Variants in ZFHX3 observed in about 807,000 individuals in gnomAD.
ZFHX3 encodes zinc finger homeobox 3, also known as zinc finger homeobox protein 3.
ZFHX3 carries 42 observed loss-of-function variants against 279.1 expected under a neutral mutation model. That is an observed-to-expected ratio of 0.15 (90% CI 0.12 to 0.19). The LOEUF (loss-of-function observed/expected upper bound fraction) is 0.19. ZFHX3 is among the 10% of genes least tolerant of loss of function. The probability of loss-of-function intolerance (pLI) is 1.00; values close to 1 mark genes in which losing one functional copy is unlikely to be tolerated. For missense variants in ZFHX3, 4,981 were observed against 4,754.0 expected, an observed-to-expected ratio of 1.05 and a Z score of -1.40; for synonymous variants, 2,293 against 1,957.8, an observed-to-expected ratio of 1.17 and a Z score of -4.52.
At chr16:73,505,181 CA>C (rs1308917971) in intron 2 of ZFHX3, among the ~76,000 whole-genome samples, 1 of 152,080 alleles carries the variant, frequency 6.6e-6, no homozygotes, top group Non-Finnish European at 1.5e-5. Context: ...CGAGCCTTTT[CA>C]GATGAATGTG....
chr16:72,974,111 G>A (rs1004576225), intron 1 of ZFHX3, among the ~76,000 whole-genome samples: 1 of 152,206 alleles, frequency 6.6e-6, no homozygotes, highest in African/African-American at 2.4e-5. Flanking sequence ...AATGAACTTG[G>A]TCAGATTCTT....
chr16:73,065,991 G>C (rs1301256140), intron 8 of ZFHX3, among the ~76,000 whole-genome samples: 4 of 152,218 alleles, frequency 2.6e-5, no homozygotes, highest in Non-Finnish European at 4.4e-5. Flanking sequence ...TGCAGGGCAG[G>C]GCGTGGCCCC....
intron 8 of ZFHX3, among the ~76,000 whole-genome samples, chr16:73,080,583 T>C (rs548137052): frequency 1.3e-5 from 2 of 152,020 alleles, no homozygotes; most frequent in African/African-American, 4.8e-5. Context: ...TTTTCTTTGT[T>C]TTTTTTTTGA....
At chr16:73,419,898 T>G (rs9926279) in intron 3 of ZFHX3, among the ~76,000 whole-genome samples, 2 of 150,210 alleles carry the variant, frequency 1.3e-5, no homozygotes, top group South Asian at 2.1e-4. Flanking sequence ...TATATATATA[T>G]AGATAGATAA....
Position 72,793,201 on chromosome 16 carries a change from A to G in ZFHX3, c.9427+54T>C, listed in dbSNP as rs189065087. On this transcript the variant is annotated intron_variant, in intron 9 of 9. Transcript: ENST00000268489. This position sits in a 1 kb window ranked among gnomAD's most constrained non-coding sequence, Gnocchi z 4.3. ...GTTTGGGTGGTATCCACATAACAGA[A>G]TGCTGACTGGGCAGCTATTTAGCCC... 6.5e-7 allele frequency: 1 copy of G among 1,546,038 alleles called. No individual in the cohort carries two copies. Among genetic ancestry groups the G allele is most frequent in the African/African-American group, 1.4e-5 (1 of 73,000 alleles).
Position 72,794,599 on chromosome 16 carries a change from G to A in ZFHX3, c.8083C>T (p.Arg2695Trp), listed in dbSNP as rs142218077. The change falls in exon 9 of 10, where the codon CGG becomes TGG. Residue 2695 changes from arginine to tryptophan, a missense_variant. Around this residue, in one of 7 missense-constraint regions of ZFHX3, gnomAD observed 744 missense variants for 701.3 expected, o/e 1.06. Coordinates refer to ENST00000268489, the MANE Select transcript of ZFHX3 (RefSeq NM_006885.4). The surrounding 1 kb of genome is among the most constrained non-coding windows in gnomAD (Gnocchi z 4.2). ...GCCCGGAACTGTCCTTTCCTTTCCC[G>A]AGCTCGGGTGTTCTGAAACCAGACT... ...VQVWFQNTRARERKGQFRAVG... is the reference protein window; with the variant it reads ...VQVWFQNTRAWERKGQFRAVG... 1 of 1,614,176 alleles carries A rather than the reference G, an allele frequency of 6.2e-7. No individual in the cohort carries two copies. Among genetic ancestry groups the A allele is most frequent in the Non-Finnish European group, 8.5e-7 (1 of 1,180,034 alleles).
intron 3 of ZFHX3, among the ~76,000 whole-genome samples, chr16:73,448,684 A>AAGTGTGTG (rs1567487516): frequency 0.044 from 2,943 of 66,858 alleles, 89 homozygotes; most frequent in African/African-American, 0.11. Context: ...ATATTTATAT[A>AAGTGTGTG]CGTGTGTGTG....
intron 1 of ZFHX3, among the ~76,000 whole-genome samples, chr16:73,881,087 G>A (rs1751874428): frequency 6.6e-6 from 1 of 152,116 alleles, no homozygotes; most frequent in Non-Finnish European, 1.5e-5. Context: ...TAAGACTGGT[G>A]GCTTTTGTGG....
At chr16:72,893,165 G>C (rs950966404) in intron 3 of ZFHX3, among the ~76,000 whole-genome samples, 3 of 152,186 alleles carry the variant, frequency 2.0e-5, no homozygotes, top group South Asian at 2.1e-4. Context: ...AAAACTGAGT[G>C]AATAAAAGAT....
intron 5 of ZFHX3, among the ~76,000 whole-genome samples, chr16:73,215,085 T>A (rs765106087): frequency 3.9e-5 from 6 of 152,148 alleles, no homozygotes; most frequent in Non-Finnish European, 7.4e-5. Flanking sequence ...TAGCTGATGC[T>A]ATAAATTAAA....
At chr16:73,038,943 G>C (rs1210520072) in intron 1 of ZFHX3, among the ~76,000 whole-genome samples, 2 of 151,328 alleles carry the variant, frequency 1.3e-5, no homozygotes, top group African/African-American at 4.9e-5. Flanking sequence ...GAATACAGGC[G>C]TGCACCACCA....
chr16:73,307,199 G>A (rs983505393), intron 4 of ZFHX3, among the ~76,000 whole-genome samples: 6 of 152,180 alleles, frequency 3.9e-5, no homozygotes, highest in Non-Finnish European at 5.9e-5. Flanking sequence ...AGTCATCTGA[G>A]GCCAACCATC....
At chr16:73,078,049 C>T (rs898240231) in intron 8 of ZFHX3, among the ~76,000 whole-genome samples, 1 of 152,188 alleles carries the variant, frequency 6.6e-6, no homozygotes, top group African/African-American at 2.4e-5. Context: ...GGGTGGTCCA[C>T]CTGCTTCGGC....
At chr16:73,810,444 T>C (rs1461821912) in intron 1 of ZFHX3, among the ~76,000 whole-genome samples, 1 of 152,234 alleles carries the variant, frequency 6.6e-6, no homozygotes, top group African/African-American at 2.4e-5. Context: ...CTAAGGGTTC[T>C]TAAATCTAAT....
At chr16:73,793,886 T>C (rs1485434789) in intron 1 of ZFHX3, among the ~76,000 whole-genome samples, 1 of 152,166 alleles carries the variant, frequency 6.6e-6, no homozygotes, top group African/African-American at 2.4e-5. Context: ...TAATTTGGGA[T>C]GCAAGCTGAG....
intron 4 of ZFHX3, among the ~76,000 whole-genome samples, chr16:73,290,712 T>C (rs1434746818): frequency 1.3e-5 from 2 of 152,184 alleles, no homozygotes; most frequent in African/African-American, 4.8e-5. Flanking sequence ...CCCTGGTGCT[T>C]TTTGGGTTTC....
At chr16:73,680,400 G>A (rs1305320515) in intron 1 of ZFHX3, among the ~76,000 whole-genome samples, 1 of 152,162 alleles carries the variant, frequency 6.6e-6, no homozygotes, top group Admixed American at 6.5e-5. Flanking sequence ...TGGAGGTCAC[G>A]GCTCGAATGA....
At chr16:73,624,443 G>T (rs563814531) in intron 2 of ZFHX3, among the ~76,000 whole-genome samples, 1 of 145,064 alleles carries the variant, frequency 6.9e-6, no homozygotes, top group Non-Finnish European at 1.5e-5. Context: ...CTGCTGAATG[G>T]AACAACCTGA....
chr16:73,174,868 A>C (rs1174365901), intron 5 of ZFHX3, among the ~76,000 whole-genome samples: 1 of 150,400 alleles, frequency 6.6e-6, no homozygotes, highest in Non-Finnish European at 1.5e-5. Context: ...AAATACAAAA[A>C]AAAAAAAAAA....
Sources: allele counts gnomAD v4.1 joint callset (sites outside exome capture counted in the v4.1 genomes callset), GRCh38; gene constraint gnomAD v4.1.1; regional missense constraint gnomAD v4.1.1; non-coding constraint Gnocchi (gnomAD v3.1); transcripts MANE v1.5; gene names NCBI Gene and HGNC (gene_info 2026-07-23, HGNC 2026-07-21).